The following DPH6 variants were observed in gnomAD, a reference collection of about 807,000 sequenced individuals.
DPH6 encodes diphthine--ammonia ligase.
DPH6 carries 33 observed loss-of-function variants against 38.2 expected under a neutral mutation model. The ratio of observed to expected loss-of-function variants is 0.86; its 90% CI spans 0.65 to 1.15. DPH6 has a LOEUF of 1.15. DPH6 is among the 50% of genes most tolerant of loss of function. The pLI, the probability that DPH6 is intolerant of heterozygous loss-of-function variation, is 0.00. For missense variants in DPH6, 325 were observed against 320.0 expected (o/e 1.02, Z -0.12); for synonymous variants, 108 against 103.0 (o/e 1.05, Z -0.30).
chr15:35,190,336 C>T, the DPH6 span, among the ~76,000 whole-genome samples: 455 of 152,348 alleles, frequency 3.0e-3, 4 homozygotes, highest in Non-Finnish European at 5.4e-3. Context: ...TATTATTACT[C>T]AAATCAGTCT....
At chr15:35,419,560 C>T (rs2053479045) in intron 5 of DPH6, among the ~76,000 whole-genome samples, 1 of 152,010 alleles carries the variant, frequency 6.6e-6, no homozygotes, top group Non-Finnish European at 1.5e-5. Flanking sequence ...AGACTCAGTT[C>T]ACCTTAAAAC....
chr15:35,299,143 G>C lies in DPH6; in HGVS notation n.200+74378C>G, dbSNP rs543998400. The C allele has an allele frequency of 7.6e-5, 91 of 1,193,814 alleles. 1 individual carries two copies. The South Asian group carries it at 1.2e-3, about 16-fold the overall frequency. The allele number at this position is 1,193,814 out of a possible 1,614,324, so 74.0% of individuals were successfully genotyped here. A position where few individuals can be genotyped will look rare whatever the true frequency, so the allele number is the denominator to read the frequency against. The stretch of plus-strand genomic sequence containing the variant: ...TTCTTACAATCGTTAGGAAACATAG[G>C]ATCATATTCGTCAGCTAAGGGAATC... On this transcript the variant is annotated intron_variant and non_coding_transcript_variant, in intron 3 of 3. Coordinates refer to the DPH6 transcript ENST00000560386.
At chr15:35,298,518 T>C in intron 3 of DPH6, 1 of 777,506 alleles carries the variant, frequency 1.3e-6, no homozygotes, top group East Asian at 2.4e-5. Context: ...GCACCAACCA[T>C]GTTCCTTAGT....
At chr15:35,425,607 A>C (rs1246842857) in intron 5 of DPH6, among the ~76,000 whole-genome samples, 1 of 150,856 alleles carries the variant, frequency 6.6e-6, no homozygotes, top group Non-Finnish European at 1.5e-5. Flanking sequence ...TATGTATAAA[A>C]CATACCTATA....
intron 3 of DPH6, among the ~76,000 whole-genome samples, chr15:35,480,283 C>T (rs780730378): frequency 6.6e-6 from 1 of 152,044 alleles, no homozygotes; most frequent in Non-Finnish European, 1.5e-5. Flanking sequence ...AATATATAAG[C>T]ACTTTACAAG....
At chr15:35,353,285 T>C (rs923944597) in intron 3 of DPH6, among the ~76,000 whole-genome samples, 12 of 152,204 alleles carry the variant, frequency 7.9e-5, no homozygotes, top group African/African-American at 2.9e-4. Context: ...TTAGTTTAAT[T>C]AGATCCCATT....
downstream of DPH6, among the ~76,000 whole-genome samples, chr15:35,368,856 A>G (rs2052685372): frequency 6.8e-6 from 1 of 146,052 alleles, no homozygotes; most frequent in Non-Finnish European, 1.5e-5. Flanking sequence ...ATAAGAACCT[A>G]GAGTTAAGGA....
chr15:35,170,175 G>T, the DPH6 span, among the ~76,000 whole-genome samples: 2 of 152,156 alleles, frequency 1.3e-5, no homozygotes, highest in East Asian at 3.8e-4. Flanking sequence ...ACTATCTTTG[G>T]CTTGGAAAGA....
At chr15:35,271,245 T>TAAAAAAAC (rs141641667) in intron 3 of DPH6, among the ~76,000 whole-genome samples, 3 of 151,982 alleles carry the variant, frequency 2.0e-5, no homozygotes, top group African/African-American at 7.3e-5. Context: ...TCAATGGAGT[T>TAAAAAAAC]AAACAAACAA....
intron 3 of DPH6, among the ~76,000 whole-genome samples, chr15:35,458,195 G>A (rs768785871): frequency 6.6e-6 from 1 of 151,952 alleles, no homozygotes; most frequent in Non-Finnish European, 1.5e-5. Flanking sequence ...GGTTGAATCC[G>A]TGGATGTGAA....
intron 3 of DPH6, among the ~76,000 whole-genome samples, chr15:35,461,366 C>T (rs1191200353): frequency 6.6e-6 from 1 of 152,210 alleles, no homozygotes; most frequent in Non-Finnish European, 1.5e-5. Flanking sequence ...AGCTACTGTA[C>T]CCAGCCAGAA....
In DPH6 at chr15:35,478,819, A is replaced by G. The variant is rs115788822; in HGVS notation, c.313-23999T>C. On this transcript the variant is annotated intron_variant, in intron 3 of 8. Coordinates refer to ENST00000256538, the MANE Select transcript of DPH6 (RefSeq NM_080650.4). ...AATAAGAGGATTTAGAAGCTCCTACAATTATTAGATAGATAGGCTGGCAAC... is the reference window on the plus strand; with the variant it reads ...AATAAGAGGATTTAGAAGCTCCTACGATTATTAGATAGATAGGCTGGCAAC... Among the ~76,000 whole-genome samples the G allele has an allele frequency of 3.9e-3, 595 of 152,128 alleles. 10 individuals are homozygous for G. The highest frequency in any genetic ancestry group is 0.014 in the African/African-American group (571 of 41,546).
rs560354401 is a variant in DPH6, at chr15:35,283,257, T to C, written n.201-62675A>G. Reference sequence around the variant, plus strand: ...CTTCCTCTTCCTCCTCCTACTCCTCTTCTTCTTCTTTCTTCCTCTTCCTCT... The same window carrying C: ...CTTCCTCTTCCTCCTCCTACTCCTCCTCTTCTTCTTTCTTCCTCTTCCTCT... On this transcript the variant is annotated intron_variant and non_coding_transcript_variant, in intron 3 of 3. Transcript: ENST00000560386. Among the ~76,000 whole-genome samples the C allele has an allele frequency of 4.0e-5, 6 of 148,506 alleles. No individual in the cohort carries two copies. In the South Asian group the frequency reaches 1.1e-3, roughly 27 times the overall value.
the DPH6 span, among the ~76,000 whole-genome samples, chr15:35,153,186 T>C: frequency 2.6e-5 from 4 of 152,130 alleles, no homozygotes; most frequent in South Asian, 4.1e-4. Flanking sequence ...GCTGTCACTG[T>C]ACAAAAAAGA....
At chr15:35,469,224 A>G (rs1214323292) in intron 3 of DPH6, among the ~76,000 whole-genome samples, 1 of 152,230 alleles carries the variant, frequency 6.6e-6, no homozygotes, top group Non-Finnish European at 1.5e-5. Flanking sequence ...GACAAGCATG[A>G]TAACATAAAT....
intron 1 of DPH6, among the ~76,000 whole-genome samples, chr15:35,544,477 T>C (rs1382978397): frequency 3.3e-5 from 5 of 152,000 alleles, no homozygotes; most frequent in East Asian, 3.9e-4. Flanking sequence ...GTTCTGCACA[T>C]GTAACCCAGA....
chr15:35,316,207 A>C (rs2052187187), intron 3 of DPH6, among the ~76,000 whole-genome samples: 2 of 152,218 alleles, frequency 1.3e-5, no homozygotes, highest in Non-Finnish European at 2.9e-5. Flanking sequence ...GTGTTTCTAG[A>C]ATCTTAAAAA....
At chr15:35,358,943 TC>T (rs2052590850) in intron 3 of DPH6, among the ~76,000 whole-genome samples, 2 of 152,016 alleles carry the variant, frequency 1.3e-5, no homozygotes, top group African/African-American at 4.8e-5. Context: ...GCCCTAGAAC[TC>T]CCAAGATTAT....
chr15:35,447,987 T>G (rs2053878746), intron 5 of DPH6, among the ~76,000 whole-genome samples: 1 of 152,212 alleles, frequency 6.6e-6, no homozygotes, highest in East Asian at 1.9e-4. Flanking sequence ...CAGTATAGTT[T>G]TTCTAGTGAT....
Sources: gnomAD v4.1 joint callset for allele counts (sites outside exome capture counted in the v4.1 genomes callset) on GRCh38, gnomAD v4.1.1 for gene constraint, MANE v1.5 for transcripts, NCBI Gene and HGNC (gene_info 2026-07-23, HGNC 2026-07-21) for gene names.